Variants in CCDC157 observed in about 807,000 individuals in gnomAD.
CCDC157 encodes the protein coiled-coil domain containing 157, also known as coiled-coil domain-containing protein 157.
Under a neutral mutation model 70.9 loss-of-function variants are expected in CCDC157, and 60 were observed. The ratio of observed to expected loss-of-function variants is 0.85; its 90% CI spans 0.69 to 1.05. The LOEUF is 1.05. Among genes scored for constraint, CCDC157 ranks in the 50% least tolerant of loss-of-function variants. The probability of loss-of-function intolerance (pLI) is 0.00; values close to 1 mark genes in which losing one functional copy is unlikely to be tolerated. For synonymous variants in CCDC157, 373 were observed against 422.4 expected (o/e 0.88, Z 1.43); for missense variants, 943 against 984.2 (o/e 0.96, Z 0.56).
At chr22:30,372,407 G>C in intron 7 of CCDC157, 121 bp downstream of exon 7, 1 of 1,330,034 alleles carries the variant, frequency 7.5e-7, no homozygotes, top group Non-Finnish European at 1.0e-6. Flanking sequence ...GATGCCTCCA[G>C]GTGTGGGGGT....
chr22:30,375,551 A>G lies in CCDC157; in HGVS notation c.1745A>G (p.Glu582Gly). The G allele has an allele frequency of 6.2e-7, 1 of 1,614,216 alleles. No homozygotes were observed. Among genetic ancestry groups the G allele is most frequent in the Non-Finnish European group, 8.5e-7 (1 of 1,180,050 alleles). The change falls in exon 10 of 12, where the codon GAG becomes GGG. Residue 582 changes from glutamate (E) to glycine (G), a missense_variant. By Grantham distance (98) the Glu-to-Gly change is moderately conservative. Coordinates refer to ENST00000338306, the MANE Select transcript of CCDC157 (RefSeq NM_001017437.5). ...TCTGGCAACGTCACAGATCACATGG[A>G]GAGGCAAGTGCAGTCCAACGACATC... ...TDSGNVTDHM[E>G]RQVQSNDIRI...
chr22:30,359,933 C>A (rs143766521), intron 1 of CCDC157, among the ~76,000 whole-genome samples: 1 of 152,008 alleles, frequency 6.6e-6, no homozygotes, highest in Non-Finnish European at 1.5e-5. Flanking sequence ...TTGCTTGAGG[C>A]CAAGAGGCCA....
At chr22:30,375,938 A>G in intron 10 of CCDC157, 1 of 540,218 alleles carries the variant, frequency 1.9e-6, no homozygotes, top group Non-Finnish European at 3.2e-6. Flanking sequence ...CTGTAATCCC[A>G]ACAATTTGAG....
chr22:30,362,494 G>C (rs1318360846), intron 2 of CCDC157, among the ~76,000 whole-genome samples: 1 of 152,166 alleles, frequency 6.6e-6, no homozygotes, highest in Non-Finnish European at 1.5e-5. Flanking sequence ...CACTGAAGCT[G>C]GGGCAGGCCA....
intron 3 of CCDC157, among the ~76,000 whole-genome samples, chr22:30,367,707 GCCT>G (rs1224249360): frequency 6.6e-6 from 1 of 151,966 alleles, no homozygotes; most frequent in East Asian, 1.9e-4. Context: ...ATGGTCACCA[GCCT>G]TTCACATTCT....
In CCDC157 at chr22:30,372,283, G is replaced by A. The variant is rs1933000497; in HGVS notation, c.1332G>A (p.Gln444=). 4 of 1,565,484 alleles carry A rather than the reference G, an allele frequency of 2.6e-6. No individual in the cohort carries two copies. The East Asian group carries it at 9.1e-5, about 36-fold the overall frequency. The stretch of plus-strand genomic sequence containing the variant: ...GTGTCGACAGCATGGTCCGCCACCA[G>A]GAGGTGAGGCCAGGGCCCTCGCTAG... ...KARVDSMVRH[Q]ESLQAKQRAL... is the part of the protein sequence containing the mutation. Residue 444 remains glutamine, a synonymous_variant, in exon 7 of 12, where the codon CAG becomes CAA. Coordinates refer to ENST00000338306, the MANE Select transcript of CCDC157 (RefSeq NM_001017437.5).
chr22:30,373,958 C>T lies in CCDC157; in HGVS notation c.1539C>T (p.Gly513=). Residue 513 remains glycine, a synonymous_variant, in exon 9 of 12, where the codon GGC becomes GGT. Transcript: ENST00000338306. Reference sequence around the variant, plus strand: ...AGAGCCTGCAGAGGGAGAAGCAAGGCCTGGAGCAGGCGACTACGGACCTGC... The same window carrying T: ...AGAGCCTGCAGAGGGAGAAGCAAGGTCTGGAGCAGGCGACTACGGACCTGC... ...LLQSLQREKQ[G]LEQATTDLRL... The T allele has an allele frequency of 6.2e-7, 1 of 1,612,606 alleles. No individual in the cohort carries two copies.
At chr22:30,366,779 C>G (rs927685321) in intron 3 of CCDC157, 1 of 177,798 alleles carries the variant, frequency 5.6e-6, no homozygotes, top group African/African-American at 2.4e-5. Flanking sequence ...CATGGTTGGC[C>G]GGGCATGGTG....
chr22:30,375,471 GGGCACAGGA>G lies in CCDC157; in HGVS notation c.1673-3_1678del. The G allele has an allele frequency of 6.2e-7, 1 of 1,613,764 alleles. No homozygotes were observed. The highest frequency in any genetic ancestry group is 8.5e-7 in the Non-Finnish European group (1 of 1,179,810). ...CTCCCTTCTAAGGTCCTGTCCCATT[GGGCACAGGA>G]GGCAGATCCAGCAGCGTGGAATCCC... is the stretch of plus-strand genomic sequence containing the variant. On this transcript the variant is annotated splice_acceptor_variant and splice_polypyrimidine_tract_variant and coding_sequence_variant and intron_variant, in exon 10 of 12. Transcript: ENST00000338306. LOFTEE classifies it high-confidence loss of function.
intron 2 of CCDC157, among the ~76,000 whole-genome samples, chr22:30,363,242 G>T (rs978310275): frequency 6.6e-6 from 1 of 152,144 alleles, no homozygotes; most frequent in Non-Finnish European, 1.5e-5. Context: ...CATCCAGATC[G>T]CCACCTTCAG....
At chr22:30,375,847 C>G (rs989320567) in intron 10 of CCDC157, 184 bp downstream of exon 10, 1 of 612,680 alleles carries the variant, frequency 1.6e-6, no homozygotes, top group Non-Finnish European at 2.8e-6. Flanking sequence ...CCGATGCCTT[C>G]CAGTCCCATA....
At position 30,359,278 on chromosome 22, in the gene CCDC157, CT is replaced by C. The variant is rs574029166; in HGVS notation, c.-166+2148del. On this transcript the variant is annotated intron_variant, in intron 1 of 11. Coordinates refer to ENST00000338306, the MANE Select transcript of CCDC157 (RefSeq NM_001017437.5). ...CTCCCTCCTTGGAGACATAAAATCT[CT>C]TGGGCAGCAGTAGTTCATTGGCAGT... Among the ~76,000 whole-genome samples the C allele has an allele frequency of 1.6e-4, 24 of 152,352 alleles. No homozygotes were observed. The South Asian group carries it at 5.0e-3, about 32-fold the overall frequency.
At chr22:30,375,387 G>A (rs1335931109) in intron 9 of CCDC157, 92 bp from the exon 10 acceptor site, 2 of 1,176,182 alleles carry the variant, frequency 1.7e-6, no homozygotes, top group Non-Finnish European at 2.5e-6. Context: ...TGAGCTAGGA[G>A]GCCTGGTGCA....
intron 9 of CCDC157, 27 bp from the exon 10 acceptor site, chr22:30,375,452 T>C: frequency 6.2e-7 from 1 of 1,612,828 alleles, no homozygotes; most frequent in Non-Finnish European, 8.5e-7. Flanking sequence ...GTGCCTCCCT[T>C]CTAAGGTCCT....
rs749636612 is a variant in CCDC157, at chr22:30,370,825, T to C, written c.920T>C (p.Leu307Pro). The change falls in exon 5 of 12, where the codon CTG becomes CCG. Residue 307 changes from leucine (L) to proline (P), a missense_variant. Transcript: ENST00000338306. Reference protein sequence around the residue: ...LEEAEGQKDGLRKQAGKLEQA... With the variant: ...LEEAEGQKDGPRKQAGKLEQA... ...GAGGCTGAAGGGCAGAAGGATGGCCTGAGGAAGCAGGCGGGCAAGCTGGAG... is the reference window on the plus strand; with the variant it reads ...GAGGCTGAAGGGCAGAAGGATGGCCCGAGGAAGCAGGCGGGCAAGCTGGAG... 6.2e-7 allele frequency: 1 copy of C among 1,612,930 alleles called. No individual in the cohort carries two copies. The highest frequency in any genetic ancestry group is 2.2e-5 in the East Asian group (1 of 44,870).
chr22:30,375,112 C>G, intron 9 of CCDC157: 2 of 294,856 alleles, frequency 6.8e-6, no homozygotes, highest in Non-Finnish European at 1.3e-5. Flanking sequence ...GGGCCCGCCA[C>G]CACACCCAGC....
chr22:30,362,418 G>A (rs929966022), intron 2 of CCDC157, among the ~76,000 whole-genome samples: 3 of 152,198 alleles, frequency 2.0e-5, no homozygotes, highest in Non-Finnish European at 2.9e-5. Flanking sequence ...GATGTTTGGC[G>A]GGGGGCCTGA....
chr22:30,357,195 A>G (rs866872602), intron 1 of CCDC157, 63 bp downstream of exon 1: 2 of 169,106 alleles, frequency 1.2e-5, no homozygotes, highest in Admixed American at 6.4e-5. Flanking sequence ...CCTTTACTCC[A>G]CAGGCCAGTA....
chr22:30,356,761 G>A (rs1379287791), upstream of CCDC157: 2 of 1,481,308 alleles, frequency 1.4e-6, no homozygotes, highest in Admixed American at 2.2e-5. Context: ...GGGCGGCGGC[G>A]GGGGCACCGC....
Sources: allele counts gnomAD v4.1 joint callset (sites outside exome capture counted in the v4.1 genomes callset), GRCh38; gene constraint gnomAD v4.1.1; transcripts MANE v1.5; gene names NCBI Gene and HGNC (gene_info 2026-07-23, HGNC 2026-07-21).